GRID2: variants seen among roughly 807,000 people sequenced by gnomAD.
GRID2 encodes glutamate ionotropic receptor delta type subunit 2.
A neutral mutation model predicts 114.8 loss-of-function variants in GRID2; 33 were observed. The ratio of observed to expected loss-of-function variants is 0.29; its 90% CI spans 0.22 to 0.38. The LOEUF (loss-of-function observed/expected upper bound fraction) is 0.38, where lower values mean the gene tolerates loss of function less well. Among genes scored for constraint, GRID2 ranks in the 10% least tolerant of loss-of-function variants. The pLI is 1.00. For missense variants in GRID2, 1,184 were observed against 1,257.7 expected, an observed-to-expected ratio of 0.94 and a Z score of 0.89; for synonymous variants, 505 against 449.9, an observed-to-expected ratio of 1.12 and a Z score of -1.55.
intron 7 of GRID2, among the ~76,000 whole-genome samples, chr4:93,230,498 A>G (rs1039479868): frequency 1.3e-5 from 2 of 152,142 alleles, no homozygotes; most frequent in African/African-American, 4.8e-5. Context: ...GTTTTATTAT[A>G]TTATGTAATT....
At chr4:92,332,136 A>G (rs1726922794) in intron 1 of GRID2, among the ~76,000 whole-genome samples, 1 of 152,122 alleles carries the variant, frequency 6.6e-6, no homozygotes, top group African/African-American at 2.4e-5. Context: ...TTCTGCTGCT[A>G]TAGGATAATA....
At chr4:92,485,935 A>G (rs964935619) in intron 1 of GRID2, among the ~76,000 whole-genome samples, 3 of 152,056 alleles carry the variant, frequency 2.0e-5, no homozygotes, top group East Asian at 1.9e-4. Context: ...AATAATGAGT[A>G]TAGTGAAAAC....
chr4:93,625,902 A>G (rs779760187), intron 13 of GRID2, among the ~76,000 whole-genome samples: 18 of 150,878 alleles, frequency 1.2e-4, no homozygotes, highest in Non-Finnish European at 1.8e-4. Flanking sequence ...GCGACAGAGC[A>G]AGACTCCGTC....
intron 2 of GRID2, among the ~76,000 whole-genome samples, chr4:92,891,976 A>C (rs1405757318): frequency 6.6e-6 from 1 of 152,210 alleles, no homozygotes; most frequent in African/African-American, 2.4e-5. Context: ...TGCCTCTTAT[A>C]ATGTATTTTG....
intron 2 of GRID2, among the ~76,000 whole-genome samples, chr4:92,964,391 G>C (rs1003362097): frequency 2.6e-5 from 4 of 151,924 alleles, no homozygotes; most frequent in Admixed American, 2.0e-4. Flanking sequence ...GCCCTGTCAG[G>C]CATAGGGGAC....
At chr4:92,794,868 A>G (rs1166899716) in intron 2 of GRID2, among the ~76,000 whole-genome samples, 3 of 108,090 alleles carry the variant, frequency 2.8e-5, no homozygotes, top group Non-Finnish European at 5.4e-5. Context: ...TTAATAAATA[A>G]TTGTTTTATA....
intron 1 of GRID2, among the ~76,000 whole-genome samples, chr4:92,541,676 A>G (rs1227399195): frequency 6.6e-6 from 1 of 152,154 alleles, no homozygotes; most frequent in African/African-American, 2.4e-5. Context: ...ATAAAAGAAA[A>G]TATTGTTTTT....
At chr4:93,050,596 C>A (rs1726615390) in intron 2 of GRID2, among the ~76,000 whole-genome samples, 1 of 150,404 alleles carries the variant, frequency 6.6e-6, no homozygotes, top group Non-Finnish European at 1.5e-5. Flanking sequence ...TTGCAAAGAA[C>A]AACTAAAAAT....
In GRID2 at chr4:92,671,470, C is replaced by T. The variant is rs114651278; in HGVS notation, c.244+81184C>T. 7.3e-3 allele frequency among the ~76,000 whole-genome samples: 1,104 copies of T among 152,214 alleles called. 6 individuals carry two copies. Among genetic ancestry groups the T allele is most frequent in the Middle Eastern group, 0.027 (8 of 294 alleles). ...TATTATATGGGAAACTACATTCAGG[C>T]TTCCATTTTCAGCCTTCATTTTTTA... On this transcript the variant is annotated intron_variant, in intron 2 of 15. Transcript: ENST00000282020.
At chr4:93,038,291 T>A (rs966943962) in intron 2 of GRID2, among the ~76,000 whole-genome samples, 5 of 152,134 alleles carry the variant, frequency 3.3e-5, no homozygotes, top group Non-Finnish European at 7.3e-5. Flanking sequence ...ATGCATGTGA[T>A]TTTTGCACAT....
At chr4:93,051,150 T>A (rs1726672683) in intron 2 of GRID2, among the ~76,000 whole-genome samples, 1 of 152,008 alleles carries the variant, frequency 6.6e-6, no homozygotes, top group South Asian at 2.1e-4. Context: ...AATAGTATGA[T>A]CGGAGCCCAA....
intron 2 of GRID2, among the ~76,000 whole-genome samples, chr4:92,658,219 A>G (rs1732342419): frequency 2.6e-5 from 4 of 151,860 alleles, no homozygotes; most frequent in South Asian, 4.1e-4. Flanking sequence ...AGATTTACTC[A>G]TTATTTCAAA....
At chr4:92,763,672 C>A (rs111590404) in intron 2 of GRID2, among the ~76,000 whole-genome samples, 3 of 152,138 alleles carry the variant, frequency 2.0e-5, no homozygotes, top group African/African-American at 7.2e-5. Context: ...GTAGGATGAT[C>A]ATAGAATGCA....
chr4:92,382,124 T>C (rs1274666912), intron 1 of GRID2, among the ~76,000 whole-genome samples: 3 of 151,914 alleles, frequency 2.0e-5, no homozygotes, highest in Non-Finnish European at 4.4e-5. Flanking sequence ...TACACCGAGA[T>C]TGATATTAAA....
At chr4:92,342,407 C>A (rs1175913349) in intron 1 of GRID2, among the ~76,000 whole-genome samples, 1 of 152,052 alleles carries the variant, frequency 6.6e-6, no homozygotes, top group African/African-American at 2.4e-5. Context: ...ATCACTCTAG[C>A]TTGAAAGGGT....
At chr4:92,403,415 T>C (rs1297945794) in intron 1 of GRID2, among the ~76,000 whole-genome samples, 2 of 152,022 alleles carry the variant, frequency 1.3e-5, no homozygotes, top group African/African-American at 2.4e-5. Context: ...GTGAGAGACA[T>C]GGCCAGGCAT....
chr4:93,524,861 T>C (rs1730728657), intron 13 of GRID2, among the ~76,000 whole-genome samples: 1 of 121,682 alleles, frequency 8.2e-6, no homozygotes, highest in African/African-American at 2.9e-5. Flanking sequence ...GTATACAAAT[T>C]CTGTGAATTA....
rs187212200 is a variant in GRID2 at position 93,579,758 on chromosome 4, G to A, written c.2194-46511G>A. ...CGCTTGCCCACACCAATCTCCCTTA[G>A]CCTACATCTGGCCCTAAAGAGAGTC... On this transcript the variant is annotated intron_variant, in intron 13 of 15. Transcript: ENST00000282020. Among the ~76,000 whole-genome samples the A allele has an allele frequency of 1.1e-3, 172 of 152,226 alleles. 1 individual carries two copies. Among genetic ancestry groups the A allele is most frequent in the African/African-American group, 4.0e-3 (166 of 41,532 alleles).
At chr4:92,536,036 A>T (rs550772028) in intron 1 of GRID2, among the ~76,000 whole-genome samples, 1 of 152,314 alleles carries the variant, frequency 6.6e-6, no homozygotes, top group East Asian at 1.9e-4. Flanking sequence ...CCAAAGAGTG[A>T]GCAGCATTAG....
Sources: gnomAD v4.1 joint callset for allele counts (sites outside exome capture counted in the v4.1 genomes callset) on GRCh38, gnomAD v4.1.1 for gene constraint, MANE v1.5 for transcripts, NCBI Gene and HGNC (gene_info 2026-07-23, HGNC 2026-07-21) for gene names.